Variants in DEPDC1B observed in about 807,000 individuals in gnomAD.
The protein encoded by DEPDC1B is DEP domain containing 1B.
In DEPDC1B, 51 loss-of-function variants were observed where a neutral mutation model predicts 66.5. The observed-to-expected ratio is 0.77, with a 90% confidence interval of 0.61 to 0.97. DEPDC1B has a LOEUF of 0.97. DEPDC1B is among the 50% of genes least tolerant of loss of function. DEPDC1B has a pLI of 0.00. For synonymous variants in DEPDC1B, 226 were observed against 223.6 expected, an observed-to-expected ratio of 1.01 and a Z score of -0.10; for missense variants, 552 against 637.1, an observed-to-expected ratio of 0.87 and a Z score of 1.44.
At chr5:60,610,544 CAATG>C (rs1228950373) in intron 7 of DEPDC1B, among the ~76,000 whole-genome samples, 1 of 152,168 alleles carries the variant, frequency 6.6e-6, no homozygotes. Flanking sequence ...TAAAATTCCA[CAATG>C]TCCCAACACA....
At chr5:60,676,503 C>G (rs1199932550) in intron 2 of DEPDC1B, among the ~76,000 whole-genome samples, 1 of 152,198 alleles carries the variant, frequency 6.6e-6, no homozygotes, top group Non-Finnish European at 1.5e-5. Flanking sequence ...TAAAACCCTA[C>G]TCCATAGTCA....
intron 2 of DEPDC1B, among the ~76,000 whole-genome samples, chr5:60,658,526 C>T (rs571888186): frequency 1.3e-5 from 2 of 152,222 alleles, no homozygotes; most frequent in Admixed American, 6.5e-5. Context: ...TTTCCTAGGC[C>T]GACTAAGAAT....
At chr5:60,694,224 G>T (rs1754609371) in intron 1 of DEPDC1B, among the ~76,000 whole-genome samples, 1 of 152,058 alleles carries the variant, frequency 6.6e-6, no homozygotes, top group Admixed American at 6.6e-5. Context: ...TTTAAAAAAT[G>T]AGATCAATCA....
At chr5:60,641,219 A>G (rs1269839413) in intron 6 of DEPDC1B, among the ~76,000 whole-genome samples, 2 of 152,138 alleles carry the variant, frequency 1.3e-5, no homozygotes, top group African/African-American at 2.4e-5. Flanking sequence ...AGGGAAAATT[A>G]TGTTCTTTAC....
chr5:60,605,161 G>A (rs1752283258), intron 8 of DEPDC1B, among the ~76,000 whole-genome samples: 1 of 152,130 alleles, frequency 6.6e-6, no homozygotes, highest in Admixed American at 6.5e-5. Context: ...GGGGATACAG[G>A]GACATGGAAA....
intron 7 of DEPDC1B, among the ~76,000 whole-genome samples, chr5:60,636,393 G>A (rs1162961629): frequency 6.6e-6 from 1 of 152,132 alleles, no homozygotes; most frequent in African/African-American, 2.4e-5. Flanking sequence ...ACAAGCAAAG[G>A]AAGAAACCTC....
intron 7 of DEPDC1B, among the ~76,000 whole-genome samples, chr5:60,630,347 C>T (rs904622450): frequency 3.9e-5 from 6 of 152,302 alleles, no homozygotes; most frequent in South Asian, 2.1e-4. Flanking sequence ...GCGCTCGGCA[C>T]GGCTGCAAGG....
intron 7 of DEPDC1B, among the ~76,000 whole-genome samples, chr5:60,620,675 C>T (rs936275742): frequency 2.0e-5 from 3 of 152,154 alleles, no homozygotes; most frequent in East Asian, 1.9e-4. Flanking sequence ...AATAGGAATG[C>T]TTTTACACTG....
chr5:60,685,927 C>T (rs1356255559), intron 2 of DEPDC1B, among the ~76,000 whole-genome samples: 1 of 152,142 alleles, frequency 6.6e-6, no homozygotes, highest in Non-Finnish European at 1.5e-5. Flanking sequence ...TGACTAATTG[C>T]CCAGATGACA....
chr5:60,690,078 A>G (rs1754507665), intron 1 of DEPDC1B, among the ~76,000 whole-genome samples: 1 of 152,216 alleles, frequency 6.6e-6, no homozygotes, highest in Admixed American at 6.5e-5. Flanking sequence ...AGTATTTACA[A>G]GTTAAATTTT....
intron 2 of DEPDC1B, among the ~76,000 whole-genome samples, chr5:60,678,271 G>C (rs12655515): frequency 0.57 from 86,018 of 151,766 alleles, 24,682 homozygotes; most frequent in East Asian, 0.77. Flanking sequence ...GCACCCTTCT[G>C]CCACCCAGCG....
intron 7 of DEPDC1B, among the ~76,000 whole-genome samples, chr5:60,631,518 T>A (rs1752924209): frequency 6.6e-6 from 1 of 151,934 alleles, no homozygotes; most frequent in Non-Finnish European, 1.5e-5. Flanking sequence ...GGAAACCAGA[T>A]CTGAAAAGGA....
chr5:60,682,812 A>G (rs1437307871), intron 2 of DEPDC1B, among the ~76,000 whole-genome samples: 3 of 152,192 alleles, frequency 2.0e-5, no homozygotes, highest in Non-Finnish European at 4.4e-5. Flanking sequence ...TCTCCTAACA[A>G]AGAAAAGTCC....
intron 6 of DEPDC1B, among the ~76,000 whole-genome samples, chr5:60,641,725 G>A (rs776941404): frequency 2.0e-5 from 3 of 152,026 alleles, no homozygotes; most frequent in Non-Finnish European, 2.9e-5. Context: ...AGACAAGGAT[G>A]TAATTTAAAT....
Position 60,597,869 on chromosome 5 carries a change from G to C in DEPDC1B, c.1474C>G (p.Pro492Ala). The C allele has an allele frequency of 6.2e-7, 1 of 1,612,820 alleles. No homozygotes were observed. Among genetic ancestry groups the C allele is most frequent in the Non-Finnish European group, 8.5e-7 (1 of 1,179,516 alleles). The part of the protein sequence containing the change: ...PEVYQERFPT[P>A]ESAALLFPEK... The stretch of plus-strand genomic sequence containing the variant: ...GGAAACAGAAGTGCTGCACTTTCTG[G>C]TGTAGGAAATCGTTCTTGATAGACT... The change falls in exon 11 of 11, where the codon CCA (proline) becomes GCA (alanine). Residue 492 changes from proline (P) to alanine (A), a missense_variant. By Grantham distance (27) the Pro-to-Ala change is conservative. Coordinates refer to ENST00000265036, the MANE Select transcript of DEPDC1B (RefSeq NM_018369.3).
chr5:60,632,221 G>A (rs1156590369), intron 7 of DEPDC1B, among the ~76,000 whole-genome samples: 1 of 152,224 alleles, frequency 6.6e-6, no homozygotes, highest in East Asian at 1.9e-4. Flanking sequence ...GCCACTCAGA[G>A]CACACAGGGC....
At chr5:60,599,673 G>A (rs1816899) in intron 9 of DEPDC1B, among the ~76,000 whole-genome samples, 69,730 of 152,120 alleles carry the variant, frequency 0.46, 17,260 homozygotes, top group Admixed American at 0.56. Flanking sequence ...GCGGAAAACC[G>A]CTTAAGGCAT....
intron 1 of DEPDC1B, among the ~76,000 whole-genome samples, chr5:60,691,954 G>C (rs1328839822): frequency 6.6e-6 from 1 of 152,052 alleles, no homozygotes; most frequent in Non-Finnish European, 1.5e-5. Flanking sequence ...ACAGATAAAT[G>C]AATAAAGAAA....
intron 1 of DEPDC1B, among the ~76,000 whole-genome samples, chr5:60,695,633 T>G (rs942167156): frequency 6.6e-6 from 1 of 152,164 alleles, no homozygotes; most frequent in Admixed American, 6.5e-5. Context: ...GAAATATTAT[T>G]AAGTAACCTT....
Sources: gnomAD v4.1 joint callset for allele counts (sites outside exome capture counted in the v4.1 genomes callset) on GRCh38, gnomAD v4.1.1 for gene constraint, MANE v1.5 for transcripts, NCBI Gene and HGNC (gene_info 2026-07-23, HGNC 2026-07-21) for gene names.